ATP2B3: variants seen among roughly 807,000 people sequenced by gnomAD.
The protein encoded by ATP2B3 is ATPase plasma membrane Ca2+ transporting 3, also known as plasma membrane calcium-transporting ATPase 3.
In ATP2B3, 12 loss-of-function variants were observed where a neutral mutation model predicts 70.8. That is an observed-to-expected ratio of 0.17 (90% CI 0.11 to 0.27). The LOEUF is 0.27. Among genes scored for constraint, ATP2B3 ranks in the 10% least tolerant of loss-of-function variants. ATP2B3 has a pLI of 1.00. For missense variants in ATP2B3, 858 were observed against 1,118.5 expected, an observed-to-expected ratio of 0.77 and a Z score of 3.32; for synonymous variants, 460 against 497.8, an observed-to-expected ratio of 0.92 and a Z score of 1.01.
At chrX:153,526,607 G>A (rs1306386441) in intron 2 of ATP2B3, among the ~76,000 whole-genome samples, 1 of 112,278 alleles carries the variant, frequency 8.9e-6, no homozygotes, top group Non-Finnish European at 1.9e-5. Context: ...GATGACCTTC[G>A]CGTCCTGCAG....
intron 12 of ATP2B3, 25 bp downstream of exon 12, chrX:153,550,311 G>A (rs782429902): frequency 2.1e-5 from 25 of 1,207,093 alleles, no homozygotes; most frequent in Middle Eastern, 2.3e-4. Context: ...GGGAGGTGCC[G>A]GGGTACGCAC....
At chrX:153,525,736 G>A (rs781986527) in intron 2 of ATP2B3, among the ~76,000 whole-genome samples, 1 of 112,622 alleles carries the variant, frequency 8.9e-6, no homozygotes, top group East Asian at 2.8e-4. Flanking sequence ...GCTGTGGACG[G>A]GTAGGGCACG....
rs1322254238 is a variant in ATP2B3, at chrX:153,557,032, C to G, written c.2433+9C>G. The G allele has an allele frequency of 4.3e-6, 5 of 1,166,217 alleles. No individual in the cohort carries two copies. Among genetic ancestry groups the G allele is most frequent in the Non-Finnish European group, 1.1e-6 (1 of 870,799 alleles). ...ACGTGGGCTTCGCCATGGTAAGCCA[C>G]CTGGTGCCCGCCCAGCTCACCACGG... On this transcript the variant is annotated intron_variant, in intron 16 of 21. Transcript: ENST00000263519.
At chrX:153,549,933 C>T (rs1314797000) in intron 11 of ATP2B3, 112 bp from the exon 12 acceptor site, 17 of 1,118,770 alleles carry the variant, frequency 1.5e-5, no homozygotes, top group Admixed American at 2.7e-5. Context: ...TGCTCCCTGC[C>T]GCCCACACCC....
chrX:153,561,535 G>A lies in ATP2B3; in HGVS notation c.3052-600G>A, dbSNP rs189437253. ...GCAGGAGGTGGGGTGTGAGAGCTGT[G>A]GACAAGAGCCTTTGCTGTGGTTCCC... On this transcript the variant is annotated intron_variant, in intron 19 of 21. Coordinates refer to ENST00000263519, the MANE Select transcript of ATP2B3 (RefSeq NM_001001344.3). Among the ~76,000 whole-genome samples the A allele has an allele frequency of 2.3e-3, 258 of 111,954 alleles. 1 individual carries two copies. The highest frequency in any genetic ancestry group is 4.6e-3 in the Middle Eastern group (1 of 219).
chrX:153,527,212 C>T (rs184664006), intron 2 of ATP2B3, among the ~76,000 whole-genome samples: 10 of 113,116 alleles, frequency 8.8e-5, no homozygotes, highest in African/African-American at 3.2e-4. Context: ...CACCTCTCCT[C>T]CCATCCACGT....
intron 2 of ATP2B3, among the ~76,000 whole-genome samples, chrX:153,530,456 C>T (rs1882727900): frequency 8.9e-6 from 1 of 112,578 alleles, no homozygotes; most frequent in African/African-American, 3.2e-5. Flanking sequence ...CAGGCTGAAT[C>T]GGGCAACCTC....
At position 153,548,553 on chromosome X, in the gene ATP2B3, G is replaced by A. The variant is rs2090405941; in HGVS notation, c.1124-87G>A. The A allele has an allele frequency of 9.4e-6, 8 of 852,139 alleles. No individual in the cohort carries two copies. In the South Asian group the frequency reaches 1.2e-4, roughly 13 times the overall value. The allele number at this position is 852,139 out of a possible 1,213,427, so 70.2% of individuals were successfully genotyped here. ...GGCCTTCACAAATGCCTCCGAGACC[G>A]TGTCCATACCTCTTCTTCCCTCTTC... On this transcript the variant is annotated intron_variant, in intron 9 of 21. Transcript: ENST00000263519.
rs782582563 is a variant in ATP2B3, at chrX:153,549,486, G to A, written c.1339-11G>A. 1.2e-5 allele frequency: 15 copies of A among 1,209,277 alleles called. No individual in the cohort carries two copies. The highest frequency in any genetic ancestry group is 8.7e-5 in the Admixed American group (4 of 45,859). Reference sequence around the variant, plus strand: ...ACCTGGGCCAAATGCCCACACCCTCGCCCTTTGCAGAAAATGATGAAAGAC... The same window carrying A: ...ACCTGGGCCAAATGCCCACACCCTCACCCTTTGCAGAAAATGATGAAAGAC... On this transcript the variant is annotated splice_polypyrimidine_tract_variant and intron_variant, in intron 10 of 21. Transcript: ENST00000263519.
chrX:153,558,211 G>A lies in ATP2B3; in HGVS notation c.2533G>A (p.Val845Ile), dbSNP rs200820256. 1.1e-5 allele frequency: 13 copies of A among 1,209,953 alleles called. No homozygotes were observed. The highest frequency in any genetic ancestry group is 5.3e-5 in the African/African-American group (3 of 57,093). The stretch of plus-strand genomic sequence containing the variant: ...CAAGGCAGTCATGTGGGGCCGTAAC[G>A]TCTATGACAGCATCTCCAAGTTCCT... ...IVKAVMWGRNVYDSISKFLQF... is the reference protein window; with the variant it reads ...IVKAVMWGRNIYDSISKFLQF... Residue 845 changes from valine to isoleucine, a missense_variant, in exon 17 of 22, where the codon GTC (valine) becomes ATC (isoleucine). Coordinates refer to ENST00000263519, the MANE Select transcript of ATP2B3 (RefSeq NM_001001344.3).
In ATP2B3 at chrX:153,553,091, G is replaced by A. The variant is rs149908812; in HGVS notation, c.1880G>A (p.Arg627Gln). The change falls in exon 13 of 22, where the codon CGG becomes CAG. Residue 627 changes from arginine to glutamine, a missense_variant. Coordinates refer to ENST00000263519, the MANE Select transcript of ATP2B3 (RefSeq NM_001001344.3). Reference protein sequence around the residue: ...GELRGFRPRDRDDMVRKIIEP... With the variant: ...GELRGFRPRDQDDMVRKIIEP... Reference sequence around the variant, plus strand: ...CTCCGGGGCTTTCGGCCTCGGGACCGGGACGACATGGTGAGGAAGATCATC... The same window carrying A: ...CTCCGGGGCTTTCGGCCTCGGGACCAGGACGACATGGTGAGGAAGATCATC... 75 of 1,206,978 alleles carry A rather than the reference G, an allele frequency of 6.2e-5. No homozygotes were observed. The highest frequency in any genetic ancestry group is 5.9e-4 in the East Asian group (20 of 33,635).
chrX:153,528,456 C>T (rs2090066608), intron 2 of ATP2B3, among the ~76,000 whole-genome samples: 1 of 111,607 alleles, frequency 9.0e-6, no homozygotes, highest in Non-Finnish European at 1.9e-5. Context: ...ATATCACCCC[C>T]CAGGGAGCTC....
chrX:153,520,146 G>A (rs1350216325), intron 2 of ATP2B3, among the ~76,000 whole-genome samples: 1 of 112,844 alleles, frequency 8.9e-6, no homozygotes, highest in Non-Finnish European at 1.9e-5. Context: ...GAGAAGCCAA[G>A]CCTGTGAGTC....
chrX:153,552,832 C>T (rs1349420660), intron 12 of ATP2B3, among the ~76,000 whole-genome samples: 1 of 112,450 alleles, frequency 8.9e-6, no homozygotes, highest in Non-Finnish European at 1.9e-5. Flanking sequence ...CCAGTCCTCG[C>T]GTTCCTCAGC....
intron 3 of ATP2B3, among the ~76,000 whole-genome samples, chrX:153,539,810 C>T (rs2066145220): frequency 8.8e-6 from 1 of 113,066 alleles, no homozygotes; most frequent in South Asian, 3.6e-4. Flanking sequence ...CATGCCTGCC[C>T]CGGTAGAAGG....
At chrX:153,537,933 G>A (rs1569533890) in intron 3 of ATP2B3, among the ~76,000 whole-genome samples, 1 of 112,792 alleles carries the variant, frequency 8.9e-6, no homozygotes, top group African/African-American at 3.2e-5. Flanking sequence ...GCAGGGGCAC[G>A]GAGAAGGGCA....
At chrX:153,550,638 G>A (rs927362837) in intron 12 of ATP2B3, among the ~76,000 whole-genome samples, 7 of 111,638 alleles carry the variant, frequency 6.3e-5, no homozygotes, top group Admixed American at 1.9e-4. Flanking sequence ...AAGTTTTTCC[G>A]TTTCCCTCAG....
intron 7 of ATP2B3, among the ~76,000 whole-genome samples, chrX:153,545,066 A>G (rs935749565): frequency 5.2e-4 from 55 of 105,270 alleles, no homozygotes; most frequent in African/African-American, 1.8e-3. Flanking sequence ...GGCCTGATCA[A>G]TGCCCCACCC....
At chrX:153,530,768 G>A (rs1704425546) in intron 2 of ATP2B3, among the ~76,000 whole-genome samples, 1 of 107,177 alleles carries the variant, frequency 9.3e-6, no homozygotes, top group African/African-American at 3.4e-5. Context: ...CATGTGTACA[G>A]ATTGTACCAG....
Sources: gnomAD v4.1 joint callset for allele counts (sites outside exome capture counted in the v4.1 genomes callset) on GRCh38, gnomAD v4.1.1 for gene constraint, MANE v1.5 for transcripts, NCBI Gene and HGNC (gene_info 2026-07-23, HGNC 2026-07-21) for gene names.